The following C6orf47 variants were observed in gnomAD, a reference collection of about 807,000 sequenced individuals.
C6orf47 encodes the protein uncharacterized protein C6orf47.
A neutral mutation model predicts 5.6 loss-of-function variants in C6orf47; 1 was observed. The observed-to-expected ratio is 0.18, with a 90% CI of 0.06 to 0.85. The LOEUF (loss-of-function observed/expected upper bound fraction) is 0.85, where lower values mean the gene tolerates loss of function less well. C6orf47 is among the 40% of genes least tolerant of loss of function. The pLI, the probability that C6orf47 is intolerant of heterozygous loss-of-function variation, is 0.70. For synonymous variants in C6orf47, 149 were observed against 161.7 expected, an observed-to-expected ratio of 0.92 and a Z score of 0.60; for missense variants, 323 against 367.1, an observed-to-expected ratio of 0.88 and a Z score of 0.98.
In C6orf47 at chr6:31,659,276, G is replaced by A; in HGVS notation, c.672C>T (p.Ser224=). ...GGAGCCCATGCAGGGCAGCCAGGAA[G>A]GACAGTAGGCCATGTAGCCAGAGGC... ...PLGLWLHGLL[S]FLAALHGLHA... The change falls in exon 1 of 1, where the codon TCC becomes TCT. Residue 224 remains serine (S), a synonymous_variant. Transcript: ENST00000375911. This position sits in a 1 kb window ranked among gnomAD's most constrained non-coding sequence, Gnocchi z 5.6. The A allele has an allele frequency of 1.2e-6, 2 of 1,613,060 alleles. No homozygotes were observed. Among genetic ancestry groups the A allele is most frequent in the South Asian group, 1.1e-5 (1 of 91,090 alleles).
rs1013527403 is a variant in C6orf47, at chr6:31,660,237, G to C, written c.-290C>G. The C allele has an allele frequency of 3.4e-5, 16 of 474,138 alleles. No individual in the cohort carries two copies. The highest frequency in any genetic ancestry group is 5.5e-4 in the Middle Eastern group (1 of 1,822). 29.4% of individuals were successfully genotyped at this position (474,138 alleles called of 1,614,324 possible). A position where few individuals can be genotyped will look rare whatever the true frequency, so the allele number is the denominator to read the frequency against. On this transcript the variant is annotated 5_prime_UTR_variant, in exon 1 of 1. Transcript: ENST00000375911. This position sits in a 1 kb window ranked among gnomAD's most constrained non-coding sequence, Gnocchi z 4.7. Reference sequence around the variant, plus strand: ...CTGAGATTCCAAGAATCTCAGATCTGACAAGGCCTGGGTCACCACCAGAGA... The same window carrying C: ...CTGAGATTCCAAGAATCTCAGATCTCACAAGGCCTGGGTCACCACCAGAGA...
In C6orf47 at chr6:31,659,411, G is replaced by A; in HGVS notation, c.537C>T (p.Ser179=). The change falls in exon 1 of 1, where the codon TCC becomes TCT. Residue 179 remains serine, a synonymous_variant. Transcript: ENST00000375911. The surrounding 1 kb of genome is among the most constrained non-coding windows in gnomAD (Gnocchi z 5.6). ...LGGPEECLQI[S]TNLTLHLLEL... ...CCAGAAGATGCAGGGTCAGGTTGGT[G>A]GAGATCTGCAGACACTCTTCTGGGC... 1 of 1,613,072 alleles carries A rather than the reference G, an allele frequency of 6.2e-7. No individual in the cohort carries two copies. Among genetic ancestry groups the A allele is most frequent in the Non-Finnish European group, 8.5e-7 (1 of 1,180,018 alleles).
In C6orf47 at chr6:31,659,597, C is replaced by A; in HGVS notation, c.351G>T (p.Trp117Cys). ...TGGTGCCACCTGAATCCACATGATC[C>A]CATCTGAGTTTGGGACTGGCCCCTC... ...EAGGASPKLR[W>C]DHVDSGGTRR... The change falls in exon 1 of 1, where the codon TGG becomes TGT. Residue 117 changes from tryptophan to cysteine, a missense_variant. By Grantham distance (215) the Trp-to-Cys change is radical (BLOSUM62 -2). Coordinates refer to ENST00000375911, the MANE Select transcript of C6orf47 (RefSeq NM_021184.4). This position sits in a 1 kb window ranked among gnomAD's most constrained non-coding sequence, Gnocchi z 5.6. The A allele has an allele frequency of 6.2e-7, 1 of 1,612,864 alleles. No individual in the cohort carries two copies. Among genetic ancestry groups the A allele is most frequent in the South Asian group, 1.1e-5 (1 of 91,092 alleles).
rs897371396 is a variant in C6orf47 at position 31,658,675 on chromosome 6, C to T, written c.*388G>A. Reference sequence around the variant, plus strand: ...GGGTTTCCCAACCACTCTCTTACTGCAGAGGTCTGTCTATCCTGCCCTGGT... The same window carrying T: ...GGGTTTCCCAACCACTCTCTTACTGTAGAGGTCTGTCTATCCTGCCCTGGT... On this transcript the variant is annotated 3_prime_UTR_variant, in exon 1 of 1. Transcript: ENST00000375911. 2 of 228,052 alleles carry T rather than the reference C, an allele frequency of 8.8e-6. No individual in the cohort carries two copies. The highest frequency in any genetic ancestry group is 8.5e-6 in the Non-Finnish European group (1 of 117,508). 14.1% of individuals were successfully genotyped at this position (228,052 alleles called of 1,614,324 possible). A position where few individuals can be genotyped will look rare whatever the true frequency, so the allele number is the denominator to read the frequency against.
At position 31,659,194 on chromosome 6, in the gene C6orf47, G is replaced by C. The variant is rs745833904; in HGVS notation, c.754C>G (p.Leu252Val). The C allele has an allele frequency of 2.5e-6, 4 of 1,613,028 alleles. No homozygotes were observed. The Admixed American group carries it at 6.7e-5, about 27-fold the overall frequency. ...ACAGCCAGCACCAAGGCCTGCAGGA[G>C]ACCAAAGAGGCAGGCGAAGTGCAAA... ...HPLHFACLFG[L>V]LQALVLAVSL... is the part of the protein sequence containing the mutation. The change falls in exon 1 of 1, where the codon CTC becomes GTC. Residue 252 changes from leucine to valine, a missense_variant. Leu to Val is a conservative substitution (Grantham distance 32). Transcript: ENST00000375911. This position sits in a 1 kb window ranked among gnomAD's most constrained non-coding sequence, Gnocchi z 5.6.
In C6orf47 at chr6:31,660,764, A is replaced by C. The variant is rs1206692358; in HGVS notation, c.-817T>G. The C allele has an allele frequency of 6.3e-6, 1 of 158,014 alleles. No individual in the cohort carries two copies. The highest frequency in any genetic ancestry group is 1.5e-5 in the Non-Finnish European group (1 of 68,092). 9.8% of individuals were successfully genotyped at this position (158,014 alleles called of 1,614,324 possible). ...GCCGGGAGCCGCGAAGCCCGGAAGC[A>C]GCTGCACCAGGACTGGAAGGACCCG... On this transcript the variant is annotated 5_prime_UTR_variant, in exon 1 of 1. Coordinates refer to ENST00000375911, the MANE Select transcript of C6orf47 (RefSeq NM_021184.4). This position sits in a 1 kb window ranked among gnomAD's most constrained non-coding sequence, Gnocchi z 4.7.
rs1032329966 is a variant in C6orf47, at chr6:31,660,751, G to C, written c.-804C>G. 1 of 159,808 alleles carries C rather than the reference G, an allele frequency of 6.3e-6. No individual in the cohort carries two copies. The highest frequency in any genetic ancestry group is 1.9e-4 in the East Asian group (1 of 5,198). The allele number at this position is 159,808 out of a possible 1,614,324, so 9.9% of individuals were successfully genotyped here. On this transcript the variant is annotated 5_prime_UTR_variant, in exon 1 of 1. Coordinates refer to ENST00000375911, the MANE Select transcript of C6orf47 (RefSeq NM_021184.4). The surrounding 1 kb of genome is among the most constrained non-coding windows in gnomAD (Gnocchi z 4.7). ...GCCTTGGGGAGCCGCCGGGAGCCGC[G>C]AAGCCCGGAAGCAGCTGCACCAGGA...
chr6:31,659,754 CT>C lies in C6orf47; in HGVS notation c.193del (p.Arg65GlyfsTer19). On this transcript the variant is annotated frameshift_variant, in exon 1 of 1. Transcript: ENST00000375911. LOFTEE classifies it low-confidence loss of function (END_TRUNC). The surrounding 1 kb of genome is among the most constrained non-coding windows in gnomAD (Gnocchi z 5.6). ...HPKTKDSGAL[R>X]VSGAASEPSK... ...TGGTTCGGAAGCAGCCCCAGAAACC[CT>C]CAATGCCCCCGAGTCCTTAGTCTTG... is the stretch of plus-strand genomic sequence containing the variant. The C allele has an allele frequency of 6.2e-7, 1 of 1,613,114 alleles. No individual in the cohort carries two copies. The highest frequency in any genetic ancestry group is 1.7e-5 in the Admixed American group (1 of 60,030).
Position 31,659,006 on chromosome 6 carries a change from C to T in C6orf47, c.*57G>A. 1 of 1,562,650 alleles carries T rather than the reference C, an allele frequency of 6.4e-7. No homozygotes were observed. Among genetic ancestry groups the T allele is most frequent in the Non-Finnish European group, 8.7e-7 (1 of 1,148,840 alleles). On this transcript the variant is annotated 3_prime_UTR_variant, in exon 1 of 1. Transcript: ENST00000375911. The surrounding 1 kb of genome is among the most constrained non-coding windows in gnomAD (Gnocchi z 5.6). ...CCCTATGCTTACAATTTGGGTCATG[C>T]CTCACACTTTTCTCCTAAAGCCCAC...
chr6:31,659,954 G>A lies in C6orf47; in HGVS notation c.-7C>T. 6.5e-7 allele frequency: 1 copy of A among 1,547,994 alleles called. No homozygotes were observed. Among genetic ancestry groups the A allele is most frequent in the Non-Finnish European group, 8.7e-7 (1 of 1,145,690 alleles). On this transcript the variant is annotated 5_prime_UTR_variant, in exon 1 of 1. Coordinates refer to ENST00000375911, the MANE Select transcript of C6orf47 (RefSeq NM_021184.4). This position sits in a 1 kb window ranked among gnomAD's most constrained non-coding sequence, Gnocchi z 5.6. ...CAAGCCGTCGCAGGAACATGGCTGG[G>A]GTGTGTAATGGGCCCCCAAATTCTG...
In C6orf47 at chr6:31,659,976, T is replaced by C; in HGVS notation, c.-29A>G. The stretch of plus-strand genomic sequence containing the variant: ...TGGGGTGTGTAATGGGCCCCCAAAT[T>C]CTGAGGCTGCTTCCTGGCACTACTC... On this transcript the variant is annotated 5_prime_UTR_variant, in exon 1 of 1. Transcript: ENST00000375911. The surrounding 1 kb of genome is among the most constrained non-coding windows in gnomAD (Gnocchi z 5.6). The C allele has an allele frequency of 6.6e-7, 1 of 1,521,428 alleles. No homozygotes were observed. The highest frequency in any genetic ancestry group is 8.8e-7 in the Non-Finnish European group (1 of 1,133,500). 94.2% of individuals were successfully genotyped at this position (1,521,428 alleles called of 1,614,324 possible). A position where few individuals can be genotyped will look rare whatever the true frequency, so the allele number is the denominator to read the frequency against.
At position 31,659,556 on chromosome 6, in the gene C6orf47, G is replaced by A. The variant is rs529057431; in HGVS notation, c.392C>T (p.Ser131Phe). 3 of 1,612,992 alleles carry A rather than the reference G, an allele frequency of 1.9e-6. No individual in the cohort carries two copies. Among genetic ancestry groups the A allele is most frequent in the African/African-American group, 2.7e-5 (2 of 75,062 alleles). ...DSGGTRRPGV[S>F]PEGGLSVPGP... Reference sequence around the variant, plus strand: ...AGGGACGCTCAGTCCCCCTTCAGGGGACACCCCTGGTCTCCTGGTGCCACC... The same window carrying A: ...AGGGACGCTCAGTCCCCCTTCAGGGAACACCCCTGGTCTCCTGGTGCCACC... Residue 131 changes from serine to phenylalanine, a missense_variant, in exon 1 of 1, where the codon TCC (serine) becomes TTC (phenylalanine). By Grantham distance (155) the Ser-to-Phe change is radical (BLOSUM62 -2). Coordinates refer to ENST00000375911, the MANE Select transcript of C6orf47 (RefSeq NM_021184.4). The surrounding 1 kb of genome is among the most constrained non-coding windows in gnomAD (Gnocchi z 5.6).
Position 31,660,690 on chromosome 6 carries a change from G to A in C6orf47, c.-743C>T, listed in dbSNP as rs1800715839. On this transcript the variant is annotated 5_prime_UTR_variant, in exon 1 of 1. Transcript: ENST00000375911. This position sits in a 1 kb window ranked among gnomAD's most constrained non-coding sequence, Gnocchi z 4.7. ...GGACCTACGCGTCCGGGCGCTGTGC[G>A]CGGGGACCGCTCCCGGGCCCAGCGT... is the stretch of plus-strand genomic sequence containing the variant. 2 of 166,360 alleles carry A rather than the reference G, an allele frequency of 1.2e-5. No homozygotes were observed. 10.3% of individuals were successfully genotyped at this position (166,360 alleles called of 1,614,324 possible).
At position 31,659,561 on chromosome 6, in the gene C6orf47, C is replaced by G; in HGVS notation, c.387G>C (p.Gly129=). The change falls in exon 1 of 1, where the codon GGG becomes GGC. Residue 129 remains glycine, a synonymous_variant. Coordinates refer to ENST00000375911, the MANE Select transcript of C6orf47 (RefSeq NM_021184.4). This position sits in a 1 kb window ranked among gnomAD's most constrained non-coding sequence, Gnocchi z 5.6. ...HVDSGGTRRP[G]VSPEGGLSVP... is the part of the protein sequence containing the mutation. ...CGCTCAGTCCCCCTTCAGGGGACAC[C>G]CCTGGTCTCCTGGTGCCACCTGAAT... 1 of 1,612,966 alleles carries G rather than the reference C, an allele frequency of 6.2e-7. No individual in the cohort carries two copies. Among genetic ancestry groups the G allele is most frequent in the Non-Finnish European group, 8.5e-7 (1 of 1,180,030 alleles).
rs1326957611 is a variant in C6orf47 at position 31,658,349 on chromosome 6, T to G, written c.*714A>C. Reference sequence around the variant, plus strand: ...GGCAGTAACTCTCACTTTGTAGTGGTATATTTAGGATTTGATGTGACACAG... The same window carrying G: ...GGCAGTAACTCTCACTTTGTAGTGGGATATTTAGGATTTGATGTGACACAG... On this transcript the variant is annotated 3_prime_UTR_variant, in exon 1 of 1. Transcript: ENST00000375911. 2 of 571,068 alleles carry G rather than the reference T, an allele frequency of 3.5e-6. No individual in the cohort carries two copies. Among genetic ancestry groups the G allele is most frequent in the Non-Finnish European group, 6.3e-6 (2 of 319,934 alleles). 35.4% of individuals were successfully genotyped at this position (571,068 alleles called of 1,614,324 possible).
rs1583556982 is a variant in C6orf47, at chr6:31,660,225, A to G, written c.-278T>C. 4.0e-6 allele frequency: 2 copies of G among 493,908 alleles called. No individual in the cohort carries two copies. Among genetic ancestry groups the G allele is most frequent in the East Asian group, 6.7e-5 (2 of 29,646 alleles). The allele number at this position is 493,908 out of a possible 1,614,324, so 30.6% of individuals were successfully genotyped here. ...CACCCCCACAATCTGAGATTCCAAG[A>G]ATCTCAGATCTGACAAGGCCTGGGT... is the stretch of plus-strand genomic sequence containing the variant. On this transcript the variant is annotated 5_prime_UTR_variant, in exon 1 of 1. Transcript: ENST00000375911. The surrounding 1 kb of genome is among the most constrained non-coding windows in gnomAD (Gnocchi z 4.7).
Position 31,659,448 on chromosome 6 carries a change from C to G in C6orf47, c.500G>C (p.Arg167Pro), listed in dbSNP as rs772822564. 6 of 1,613,100 alleles carry G rather than the reference C, an allele frequency of 3.7e-6. No homozygotes were observed. In the South Asian group the frequency reaches 6.6e-5, roughly 18 times the overall value. Reference protein sequence around the residue: ...WLRGEPGAPSRYLGGPEECLQ... With the variant: ...WLRGEPGAPSPYLGGPEECLQ... The stretch of plus-strand genomic sequence containing the variant: ...ACACTCTTCTGGGCCCCCCAAGTAC[C>G]GGGAGGGAGCTCCTGGTTCCCCCCG... The change falls in exon 1 of 1, where the codon CGG (arginine) becomes CCG (proline). Residue 167 changes from arginine to proline, a missense_variant. By Grantham distance (103) the Arg-to-Pro change is moderately radical. Coordinates refer to ENST00000375911, the MANE Select transcript of C6orf47 (RefSeq NM_021184.4). The surrounding 1 kb of genome is among the most constrained non-coding windows in gnomAD (Gnocchi z 5.6).
In C6orf47 at chr6:31,659,384, C is replaced by A. The variant is rs1800534340; in HGVS notation, c.564G>T (p.Glu188Asp). 1.2e-6 allele frequency: 2 copies of A among 1,613,098 alleles called. No homozygotes were observed. The highest frequency in any genetic ancestry group is 4.5e-5 in the East Asian group (2 of 44,886). Residue 188 changes from glutamate to aspartate, a missense_variant, in exon 1 of 1, where the codon GAG becomes GAT. Physicochemically the swap from Glu to Asp is conservative, Grantham distance 45 (BLOSUM62 2). Transcript: ENST00000375911. This position sits in a 1 kb window ranked among gnomAD's most constrained non-coding sequence, Gnocchi z 5.6. The part of the protein sequence containing the change: ...ISTNLTLHLL[E>D]LLASALLALC... ...GGGCCAGCAGGGCAGAGGCCAGCAG[C>A]TCCAGAAGATGCAGGGTCAGGTTGG...
chr6:31,659,448 C>T lies in C6orf47; in HGVS notation c.500G>A (p.Arg167Gln), dbSNP rs772822564. Residue 167 changes from arginine to glutamine, a missense_variant, in exon 1 of 1, where the codon CGG becomes CAG. Arg to Gln is a conservative substitution (Grantham distance 43, BLOSUM62 1). Transcript: ENST00000375911. The surrounding 1 kb of genome is among the most constrained non-coding windows in gnomAD (Gnocchi z 5.6). ...WLRGEPGAPS[R>Q]YLGGPEECLQ... ...ACACTCTTCTGGGCCCCCCAAGTAC[C>T]GGGAGGGAGCTCCTGGTTCCCCCCG... 2 of 1,613,100 alleles carry T rather than the reference C, an allele frequency of 1.2e-6. No homozygotes were observed. The highest frequency in any genetic ancestry group is 2.2e-5 in the East Asian group (1 of 44,884).
Sources: gnomAD v4.1 joint callset for allele counts on GRCh38, gnomAD v4.1.1 for gene constraint, Gnocchi (gnomAD v3.1) non-coding constraint, MANE v1.5 for transcripts, NCBI Gene and HGNC (gene_info 2026-07-23, HGNC 2026-07-21) for gene names.